Variants in RYR1 observed in about 807,000 individuals in gnomAD.
The protein encoded by RYR1 is central core disease of muscle.
Under a neutral mutation model 583.5 loss-of-function variants are expected in RYR1, and 342 were observed. The ratio of observed to expected loss-of-function variants is 0.59; its 90% CI spans 0.54 to 0.64. The LOEUF (loss-of-function observed/expected upper bound fraction) is 0.64. RYR1 is among the 30% of genes least tolerant of loss of function. RYR1 has a pLI of 0.00. For missense variants in RYR1, 6,032 were observed against 6,917.2 expected (o/e 0.87, Z 4.54); for synonymous variants, 2,791 against 2,822.5 (o/e 0.99, Z 0.35).
chr19:38,478,411 A>C (rs1019824109), intron 30 of RYR1, 24 bp from the exon 31 acceptor site: 1 of 1,611,178 alleles, frequency 6.2e-7, no homozygotes, highest in Non-Finnish European at 8.5e-7. Context: ...TGAGGAGTGC[A>C]GTGACCGCTT....
chr19:38,494,693 A>C, intron 39 of RYR1, 68 bp downstream of exon 39: 2 of 1,591,748 alleles, frequency 1.3e-6, no homozygotes. Context: ...AGGATACAAT[A>C]ACATTCCCTT....
chr19:38,548,114 T>C, intron 88 of RYR1, 119 bp from the exon 89 acceptor site: 1 of 1,090,986 alleles, frequency 9.2e-7, no homozygotes, highest in South Asian at 1.3e-5. Context: ...GAGGGGAGGC[T>C]GTGGCTGGCC....
chr19:38,463,691 T>C, intron 21 of RYR1, 56 bp from the exon 22 acceptor site: 3 of 1,538,504 alleles, frequency 1.9e-6, no homozygotes, highest in Non-Finnish European at 2.7e-6. Flanking sequence ...AGTCTGGGCA[T>C]GTGGGGAGTG....
intron 89 of RYR1, among the ~76,000 whole-genome samples, chr19:38,557,051 C>CTTTTTTTTTTTTTTTTTTTTTTTTTTTTT (rs35027525): frequency 9.2e-6 from 1 of 108,836 alleles, no homozygotes; most frequent in Non-Finnish European, 1.7e-5. Flanking sequence ...AGTCTCATTT[C>CTTTTTTTTTTTTTTTTTTTTTTTTTTTTT]TTTTTTTTTT....
At chr19:38,463,313 G>C in intron 20 of RYR1, 110 bp from the exon 21 acceptor site, 2 of 847,456 alleles carry the variant, frequency 2.4e-6, no homozygotes, top group Non-Finnish European at 3.9e-6. Flanking sequence ...TGGTGGGAAA[G>C]GGGGTGCTGG....
At chr19:38,455,589 G>A in intron 15 of RYR1, 43 bp downstream of exon 15, 2 of 1,611,050 alleles carry the variant, frequency 1.2e-6, no homozygotes, top group Non-Finnish European at 1.7e-6. Flanking sequence ...TGTGGGAGGG[G>A]ATGGGCATGG....
In RYR1 at chr19:38,452,126, CAAAAAAA is replaced by C. The variant is rs66571762; in HGVS notation, c.1244+260_1244+266del. On this transcript the variant is annotated intron_variant, in intron 12 of 105. Transcript: ENST00000359596. ...CAGCATAGGGAGACCCCGCCTCTAC[CAAAAAAA>C]AAAAAAAAAAAAAAAAAATTAGGCT... 0.011 allele frequency among the ~76,000 whole-genome samples: 792 copies of C among 68,880 alleles called. 11 individuals are homozygous for C. The highest frequency in any genetic ancestry group is 0.044 in the African/African-American group (736 of 16,782). The allele number at this position is 68,880 out of a possible 152,430, so 45.2% of individuals were successfully genotyped here. A position where few individuals can be genotyped will look rare whatever the true frequency, so the allele number is the denominator to read the frequency against.
In RYR1 at chr19:38,529,064, A is replaced by T; in HGVS notation, c.11141+7A>T. 1 of 1,612,864 alleles carries T rather than the reference A, an allele frequency of 6.2e-7. No individual in the cohort carries two copies. The stretch of plus-strand genomic sequence containing the variant: ...CTGCCCTGACGGAAAAGAGGTGAAG[A>T]CTCTTGCCAGGGCCCCAGAAATGCC... On this transcript the variant is annotated splice_region_variant and intron_variant, in intron 76 of 105. Coordinates refer to ENST00000359596, the MANE Select transcript of RYR1 (RefSeq NM_000540.3).
At position 38,516,211 on chromosome 19, in the gene RYR1, C is replaced by T. The variant is rs765250427; in HGVS notation, c.9679C>T (p.Arg3227Trp). Residue 3227 changes from arginine to tryptophan, a missense_variant, in exon 65 of 106, where the codon CGG (arginine) becomes TGG (tryptophan). Physicochemically the swap from Arg to Trp is moderately radical, Grantham distance 101. Transcript: ENST00000359596. ...SVYTTKSPRERAILGLPNSVE... is the reference protein window; with the variant it reads ...SVYTTKSPREWAILGLPNSVE... Reference sequence around the variant, plus strand: ...GTACACCACCAAGTCTCCGCGGGAGCGGGCCAGTAAGCTGTGTGGGGCGGG... The same window carrying T: ...GTACACCACCAAGTCTCCGCGGGAGTGGGCCAGTAAGCTGTGTGGGGCGGG... 5.7e-6 allele frequency: 9 copies of T among 1,585,680 alleles called. No homozygotes were observed. The highest frequency in any genetic ancestry group is 4.6e-5 in the East Asian group (2 of 43,520).
At position 38,586,389 on chromosome 19, in the gene RYR1, G is replaced by A; in HGVS notation, c.14970-136G>A. 3 of 1,115,808 alleles carry A rather than the reference G, an allele frequency of 2.7e-6. No homozygotes were observed. In the South Asian group the frequency reaches 3.8e-5, roughly 14 times the overall value. The allele number at this position is 1,115,808 out of a possible 1,614,324, so 69.1% of individuals were successfully genotyped here. On this transcript the variant is annotated intron_variant, in intron 104 of 105. Transcript: ENST00000359596. ...TAAGCCCAGCACTTTGGGAGGCCAA[G>A]TGGGGAGGATTACTTGAGGCCAGGA... is the stretch of plus-strand genomic sequence containing the variant.
At chr19:38,504,436 C>T (rs1970346441) in intron 50 of RYR1, 76 bp downstream of exon 50, 2 of 1,568,248 alleles carry the variant, frequency 1.3e-6, no homozygotes, top group South Asian at 2.3e-5. Flanking sequence ...AGAGTGAAAT[C>T]CCTCAATTTT....
Position 38,469,059 on chromosome 19 carries a change from A to G in RYR1, c.3475A>G (p.Ile1159Val). ...GCMIDLTENT[I>V]IFTLNGEVLM... is the part of the protein sequence containing the mutation. ...TATGATCGACCTCACAGAGAACACC[A>G]TTATCTTCACCCTCAATGGCGAGGT... Residue 1159 changes from isoleucine (I) to valine (V), a missense_variant, in exon 26 of 106, where the codon ATT becomes GTT. Ile to Val is a conservative substitution (Grantham distance 29, BLOSUM62 3). Around this residue, in one of 11 missense-constraint regions of RYR1, gnomAD observed 2,627 missense variants for 2,961.3 expected, o/e 0.89. Coordinates refer to ENST00000359596, the MANE Select transcript of RYR1 (RefSeq NM_000540.3). The G allele has an allele frequency of 3.1e-6, 5 of 1,614,082 alleles. No individual in the cohort carries two copies. Among genetic ancestry groups the G allele is most frequent in the Non-Finnish European group, 3.4e-6 (4 of 1,179,998 alleles).
chr19:38,559,265 G>A (rs182761391), intron 89 of RYR1, among the ~76,000 whole-genome samples: 6 of 134,376 alleles, frequency 4.5e-5, no homozygotes, highest in East Asian at 4.5e-4. Context: ...ACAGGGTCTC[G>A]CTCTTATTGC....
In RYR1 at chr19:38,504,356, A is replaced by T. The variant is rs772107322; in HGVS notation, c.8063A>T (p.His2688Leu). Reference protein sequence around the residue: ...LFWGIFDSLAHKKYDPELYRM... With the variant: ...LFWGIFDSLALKKYDPELYRM... The stretch of plus-strand genomic sequence containing the variant: ...TGGGGCATCTTTGACTCTCTGGCCC[A>T]TAAGGTCTGGGCAGCAGGGAGCCCC... Residue 2688 changes from histidine to leucine, a missense_variant, in exon 50 of 106, where the codon CAT becomes CTT. Around this residue, in one of 11 missense-constraint regions of RYR1, gnomAD observed 1,493 missense variants for 1,715.5 expected, o/e 0.87. Transcript: ENST00000359596. 2.5e-6 allele frequency: 4 copies of T among 1,613,994 alleles called. No individual in the cohort carries two copies. The highest frequency in any genetic ancestry group is 1.3e-5 in the African/African-American group (1 of 74,920).
intron 105 of RYR1, 131 bp downstream of exon 105, chr19:38,586,707 A>G (rs973499700): frequency 3.1e-5 from 28 of 906,338 alleles, no homozygotes; most frequent in Non-Finnish European, 5.0e-5. Context: ...ACGGCGGCTC[A>G]CGCCTGTAAT....
chr19:38,483,605 C>A lies in RYR1; in HGVS notation c.4934+89C>A. The A allele has an allele frequency of 8.5e-7, 1 of 1,177,970 alleles. No homozygotes were observed. Among genetic ancestry groups the A allele is most frequent in the East Asian group, 2.6e-5 (1 of 39,062 alleles). The allele number at this position is 1,177,970 out of a possible 1,614,324, so 73.0% of individuals were successfully genotyped here. A position where few individuals can be genotyped will look rare whatever the true frequency, so the allele number is the denominator to read the frequency against. On this transcript the variant is annotated intron_variant, in intron 33 of 105. Coordinates refer to ENST00000359596, the MANE Select transcript of RYR1 (RefSeq NM_000540.3). This position sits in a 1 kb window ranked among gnomAD's most constrained non-coding sequence, Gnocchi z 6.3. ...CACTCAGTGCCCCTCCTCAACACAA[C>A]CCCGGGATTCCAGACTACACCCCAG... is the stretch of plus-strand genomic sequence containing the variant.
chr19:38,586,712 T>C, intron 105 of RYR1, 136 bp downstream of exon 105: 1 of 862,880 alleles, frequency 1.2e-6, no homozygotes, highest in Non-Finnish European at 1.9e-6. Flanking sequence ...GGCTCACGCC[T>C]GTAATCCCAA....
At chr19:38,568,765 G>A (rs1333493268) in intron 93 of RYR1, among the ~76,000 whole-genome samples, 1 of 150,248 alleles carries the variant, frequency 6.7e-6, no homozygotes, top group Non-Finnish European at 1.5e-5. Flanking sequence ...CAAAGTGGTG[G>A]TGGGGGGCGG....
At chr19:38,492,720 A>T in intron 38 of RYR1, 84 bp downstream of exon 38, 1 of 1,383,778 alleles carries the variant, frequency 7.2e-7, no homozygotes, top group South Asian at 1.3e-5. Flanking sequence ...CAAAGAGGGC[A>T]TGAGGACAGA....
Sources: allele counts gnomAD v4.1 joint callset (sites outside exome capture counted in the v4.1 genomes callset), GRCh38; gene constraint gnomAD v4.1.1; regional missense constraint gnomAD v4.1.1; non-coding constraint Gnocchi (gnomAD v3.1); transcripts MANE v1.5; gene names NCBI Gene and HGNC (gene_info 2026-07-23, HGNC 2026-07-21).